RNF212B: variants seen among roughly 807,000 people sequenced by gnomAD.
The protein encoded by RNF212B is ring finger protein 212B.
Under a neutral mutation model 55.5 loss-of-function variants are expected in RNF212B, and 52 were observed. That is an observed-to-expected ratio of 0.94 (90% confidence interval 0.75 to 1.18). The LOEUF (loss-of-function observed/expected upper bound fraction) is 1.18. RNF212B is among the 50% of genes most tolerant of loss of function. RNF212B has a pLI of 0.00. For synonymous variants in RNF212B, 99 were observed against 121.4 expected (o/e 0.82, Z 1.21); for missense variants, 289 against 350.4 (o/e 0.82, Z 1.40).
chr14:23,261,100 A>C (rs7150951), intron 7 of RNF212B, among the ~76,000 whole-genome samples: 1 of 151,960 alleles, frequency 6.6e-6, no homozygotes, highest in Non-Finnish European at 1.5e-5. Flanking sequence ...GGCTGGAACC[A>C]GACCTCACAT....
At chr14:23,240,563 A>G in intron 2 of RNF212B, 118 bp downstream of exon 2, 1 of 599,276 alleles carries the variant, frequency 1.7e-6, no homozygotes, top group Non-Finnish European at 2.9e-6. Context: ...AATGGTGATA[A>G]AGATACTGTA....
rs754608772 is a variant in RNF212B, at chr14:23,273,166, C to A, written c.*275C>A. ...ATTTCCTACAATTTGGAACAAAGGTCAAAAAAATAATTCTTGGCATCATGC... is the reference window on the plus strand; with the variant it reads ...ATTTCCTACAATTTGGAACAAAGGTAAAAAAAATAATTCTTGGCATCATGC... On this transcript the variant is annotated 3_prime_UTR_variant, in exon 15 of 15. Coordinates refer to ENST00000430154, the MANE Select transcript of RNF212B (RefSeq NM_001282322.3). 3.7e-6 allele frequency: 1 copy of A among 271,900 alleles called. No homozygotes were observed. Among genetic ancestry groups the A allele is most frequent in the Non-Finnish European group, 6.9e-6 (1 of 143,926 alleles). 16.8% of individuals were successfully genotyped at this position (271,900 alleles called of 1,614,324 possible). A position where few individuals can be genotyped will look rare whatever the true frequency, so the allele number is the denominator to read the frequency against.
intron 1 of RNF212B, among the ~76,000 whole-genome samples, chr14:23,193,091 TAAAAAAAAAAAA>T (rs3045528): frequency 1.8e-5 from 2 of 113,122 alleles, no homozygotes. Flanking sequence ...AAACTCTGTC[TAAAAAAAAAAAA>T]AAAAAAAAAA....
chr14:23,238,761 T>TAAC (rs1883326944), intron 1 of RNF212B, among the ~76,000 whole-genome samples: 1 of 145,316 alleles, frequency 6.9e-6, no homozygotes, highest in Non-Finnish European at 1.5e-5. Flanking sequence ...ATAATAATAA[T>TAAC]AATAATAATA....
rs763020430 is a variant in RNF212B, at chr14:23,254,286, C to CAA, written c.229-4259_229-4258dup. On this transcript the variant is annotated intron_variant, in intron 4 of 14. Coordinates refer to ENST00000430154, the MANE Select transcript of RNF212B (RefSeq NM_001282322.3). ...GGTGACAGAGCAATACTCTTTATCTCAAAAACAAAACAAAACAAAACAAAA... is the reference window on the plus strand; with the variant it reads ...GGTGACAGAGCAATACTCTTTATCTCAAAAAAACAAAACAAAACAAAACAAAA... 2.2e-3 allele frequency among the ~76,000 whole-genome samples: 183 copies of CAA among 84,722 alleles called. 3 individuals carry two copies. The highest frequency in any genetic ancestry group is 8.1e-3 in the African/African-American group (169 of 20,824). 55.6% of individuals were successfully genotyped at this position (84,722 alleles called of 152,430 possible). A position where few individuals can be genotyped will look rare whatever the true frequency, so the allele number is the denominator to read the frequency against.
At chr14:23,227,705 T>G in intron 2 of RNF212B, among the ~76,000 whole-genome samples, 1 of 152,004 alleles carries the variant, frequency 6.6e-6, no homozygotes, top group East Asian at 1.9e-4. Flanking sequence ...GCTCAAGAGA[T>G]TCTCCCACCT....
chr14:23,258,289 G>A (rs1031691158), intron 4 of RNF212B, among the ~76,000 whole-genome samples: 1 of 143,806 alleles, frequency 7.0e-6, no homozygotes, highest in Non-Finnish European at 1.5e-5. Context: ...GGTGAGCCGA[G>A]ATCGCACTAT....
Position 23,227,850 on chromosome 14 carries a change from C to T in RNF212B, c.-1-12495C>T, listed in dbSNP as rs2474013. Among the ~76,000 whole-genome samples the T allele has an allele frequency of 2.9e-3, 434 of 152,250 alleles. 4 individuals are homozygous for T. Among genetic ancestry groups the T allele is most frequent in the African/African-American group, 0.01 (421 of 41,564 alleles). ...CTGGACTCAGGTGATTCACCCACCT[C>T]AGCCCCCCGAAGTGCTGGGATTACA... On this transcript the variant is annotated intron_variant, in intron 2 of 15. Transcript: ENST00000399910.
rs558991422 is a variant in RNF212B at position 23,203,829 on chromosome 14, T to C, written c.-2+10428T>C. 3.9e-5 allele frequency among the ~76,000 whole-genome samples: 6 copies of C among 152,328 alleles called. No individual in the cohort carries two copies. The East Asian group carries it at 1.2e-3, about 29-fold the overall frequency. On this transcript the variant is annotated intron_variant, in intron 2 of 15. Transcript: ENST00000399910. ...ACACTGTTTTCCCTAGTGGCTGTAC[T>C]AGTTTACATTACCACCAGTAGTGTA...
intron 2 of RNF212B, among the ~76,000 whole-genome samples, chr14:23,208,934 A>AT (rs1395859472): frequency 2.0e-5 from 3 of 150,904 alleles, no homozygotes; most frequent in South Asian, 2.1e-4. Flanking sequence ...AATTTTTTGT[A>AT]TTTTTAGTAG....
intron 3 of RNF212B, 123 bp downstream of exon 3, chr14:23,243,431 C>T (rs1566424243): frequency 9.9e-6 from 9 of 906,556 alleles, no homozygotes; most frequent in Non-Finnish European, 1.5e-5. Flanking sequence ...CGTGGTGGCT[C>T]AGGCCTGTAA....
chr14:23,200,664 G>A (rs557297674), intron 2 of RNF212B, among the ~76,000 whole-genome samples: 5 of 152,174 alleles, frequency 3.3e-5, no homozygotes, highest in Admixed American at 1.3e-4. Flanking sequence ...GATAAATCTG[G>A]GGCTTCCGTG....
intron 2 of RNF212B, among the ~76,000 whole-genome samples, chr14:23,199,690 GGAAAAAT>G (rs1430605352): frequency 2.0e-5 from 3 of 151,412 alleles, no homozygotes; most frequent in African/African-American, 7.3e-5. Flanking sequence ...GTCCTATGAA[GGAAAAAT>G]AGTGGGGAGG....
chr14:23,198,962 GTA>G (rs1879012168), intron 2 of RNF212B, among the ~76,000 whole-genome samples: 2 of 152,054 alleles, frequency 1.3e-5, no homozygotes, highest in South Asian at 4.2e-4. Context: ...ACATGAGTCG[GTA>G]TACACACAAA....
intron 5 of RNF212B, 60 bp from the exon 6 acceptor site, chr14:23,259,824 A>G: frequency 1.1e-6 from 1 of 880,122 alleles, no homozygotes; most frequent in Non-Finnish European, 1.7e-6. Flanking sequence ...TTATAATAAT[A>G]AAAAATCAGG....
At chr14:23,266,489 G>A (rs1205336767) in intron 11 of RNF212B, among the ~76,000 whole-genome samples, 2 of 125,996 alleles carry the variant, frequency 1.6e-5, no homozygotes, top group Non-Finnish European at 3.1e-5. Context: ...TCGGCTCACC[G>A]CAACCTCCGC....
intron 2 of RNF212B, among the ~76,000 whole-genome samples, chr14:23,221,419 G>T (rs1158570094): frequency 6.6e-6 from 1 of 152,118 alleles, no homozygotes; most frequent in Non-Finnish European, 1.5e-5. Context: ...AATGATAAAG[G>T]GGTCAATTCA....
At chr14:23,259,847 G>T in intron 5 of RNF212B, 37 bp from the exon 6 acceptor site, 2 of 1,283,972 alleles carry the variant, frequency 1.6e-6, no homozygotes, top group South Asian at 1.5e-5. Context: ...TTTAATCCCT[G>T]ATTTGCTGGA....
chr14:23,188,029 T>C (rs1202274293), intron 1 of RNF212B: 2 of 152,240 alleles, frequency 1.3e-5, no homozygotes, highest in Non-Finnish European at 2.9e-5. Flanking sequence ...TTTTAGTGTA[T>C]GCTCTGTTTG....
Sources: allele counts gnomAD v4.1 joint callset (sites outside exome capture counted in the v4.1 genomes callset), GRCh38; gene constraint gnomAD v4.1.1; transcripts MANE v1.5; gene names NCBI Gene and HGNC (gene_info 2026-07-23, HGNC 2026-07-21).